REEP3: variants seen among roughly 807,000 people sequenced by gnomAD.
REEP3 encodes the protein receptor accessory protein 3, also known as receptor expression-enhancing protein 3.
REEP3 carries 20 observed loss-of-function variants against 41.3 expected under a neutral mutation model. That is an observed-to-expected ratio of 0.48 (90% confidence interval 0.34 to 0.70). REEP3 has a LOEUF of 0.70. Among genes scored for constraint, REEP3 ranks in the 30% least tolerant of loss-of-function variants. REEP3 has a pLI of 0.01. For synonymous variants in REEP3, 104 were observed against 101.8 expected, an observed-to-expected ratio of 1.02 and a Z score of -0.13; for missense variants, 271 against 308.8, an observed-to-expected ratio of 0.88 and a Z score of 0.92.
At chr10:63,524,097 G>A (rs1955334047) in intron 1 of REEP3, among the ~76,000 whole-genome samples, 1 of 152,142 alleles carries the variant, frequency 6.6e-6, no homozygotes, top group South Asian at 2.1e-4. Context: ...TATTTTGTGA[G>A]CCGTGAACAC....
chr10:63,613,255 C>T (rs900692624), intron 6 of REEP3, among the ~76,000 whole-genome samples: 7 of 152,120 alleles, frequency 4.6e-5, no homozygotes, highest in African/African-American at 1.7e-4. Flanking sequence ...TGTGATCTGC[C>T]CACTTCAGCT....
intron 1 of REEP3, among the ~76,000 whole-genome samples, chr10:63,522,065 C>T (rs944348312): frequency 1.3e-5 from 2 of 152,204 alleles, no homozygotes; most frequent in South Asian, 4.2e-4. Flanking sequence ...CTTTGTATCC[C>T]GCGGCTGATG....
chr10:63,551,969 C>A (rs1338526646), intron 1 of REEP3, among the ~76,000 whole-genome samples: 2 of 152,156 alleles, frequency 1.3e-5, no homozygotes, highest in South Asian at 2.1e-4. Flanking sequence ...TATCTTCACA[C>A]TTTTTCTGCA....
chr10:63,621,056 G>A lies in REEP3; in HGVS notation c.*187G>A, dbSNP rs370795832. On this transcript the variant is annotated 3_prime_UTR_variant, in exon 8 of 8. Transcript: ENST00000373758. ...TTGCTTCCAAATATTGACTACTAAA[G>A]GCAGTTCTGCAAGATGTACTAAATA... 2.0e-4 allele frequency: 96 copies of A among 469,722 alleles called. No individual in the cohort carries two copies. Among genetic ancestry groups the A allele is most frequent in the African/African-American group, 1.6e-3 (79 of 50,384 alleles). 29.1% of individuals were successfully genotyped at this position (469,722 alleles called of 1,614,324 possible). A position where few individuals can be genotyped will look rare whatever the true frequency, so the allele number is the denominator to read the frequency against.
At chr10:63,598,000 A>G (rs779963234) in intron 3 of REEP3, 24 bp from the exon 4 acceptor site, 2 of 1,572,194 alleles carry the variant, frequency 1.3e-6, no homozygotes, top group Non-Finnish European at 1.7e-6. Context: ...CTGGCAGTTT[A>G]TTTCCAAATG....
intron 6 of REEP3, among the ~76,000 whole-genome samples, chr10:63,618,412 A>T (rs1224190622): frequency 6.7e-6 from 1 of 150,122 alleles, no homozygotes; most frequent in African/African-American, 2.4e-5. Flanking sequence ...TGCTTGGCTA[A>T]TTTTTTTTGT....
At chr10:63,583,738 G>T (rs1220057803) in intron 2 of REEP3, among the ~76,000 whole-genome samples, 1 of 152,154 alleles carries the variant, frequency 6.6e-6, no homozygotes, top group East Asian at 1.9e-4. Flanking sequence ...AAAATCCCGA[G>T]AAATTCTGTG....
intron 1 of REEP3, among the ~76,000 whole-genome samples, chr10:63,558,032 C>T (rs528422145): frequency 3.3e-5 from 5 of 152,216 alleles, no homozygotes; most frequent in Non-Finnish European, 5.9e-5. Flanking sequence ...GGGATACTGA[C>T]TAATAAAATA....
rs529314311 is a variant in REEP3 at position 63,599,508 on chromosome 10, A to G, written c.417+225A>G. ...AAATGAGGTCGTTAATAAATAATAC[A>G]TACCTGAAAATGTCATTTAGTCATA... On this transcript the variant is annotated intron_variant, in intron 5 of 7. Transcript: ENST00000373758. 8.5e-5 allele frequency among the ~76,000 whole-genome samples: 13 copies of G among 152,348 alleles called. No homozygotes were observed. In the South Asian group the frequency reaches 2.5e-3, roughly 29 times the overall value.
intron 6 of REEP3, among the ~76,000 whole-genome samples, chr10:63,612,117 AAGT>A (rs765447087): frequency 3.3e-5 from 5 of 152,096 alleles, no homozygotes; most frequent in Non-Finnish European, 7.4e-5. Flanking sequence ...AATAATGTAA[AAGT>A]AGTTCCTAAT....
Position 63,594,770 on chromosome 10 carries a change from A to G in REEP3, c.106-8A>G. 6.3e-7 allele frequency: 1 copy of G among 1,582,346 alleles called. No homozygotes were observed. Among genetic ancestry groups the G allele is most frequent in the Non-Finnish European group, 8.7e-7 (1 of 1,151,286 alleles). On this transcript the variant is annotated splice_region_variant and splice_polypyrimidine_tract_variant and intron_variant, in intron 2 of 7. Transcript: ENST00000373758. Reference sequence around the variant, plus strand: ...CTGTTGTTTCATGAGTATTTTTATTATTTCCAGGTTCGATGGATGATGTAC... The same window carrying G: ...CTGTTGTTTCATGAGTATTTTTATTGTTTCCAGGTTCGATGGATGATGTAC...
In REEP3 at chr10:63,606,973, A is replaced by G. The variant is rs146631188; in HGVS notation, c.418-3214A>G. ...TATAGAATTCTGGGGTAGAGGGAAG[A>G]TATCTCCACTTACCGTTAATATAGC... On this transcript the variant is annotated intron_variant, in intron 5 of 7. Coordinates refer to ENST00000373758, the MANE Select transcript of REEP3 (RefSeq NM_001001330.3). 3.9e-3 allele frequency among the ~76,000 whole-genome samples: 594 copies of G among 152,332 alleles called. 1 individual carries two copies. Among genetic ancestry groups the G allele is most frequent in the African/African-American group, 0.011 (464 of 41,568 alleles).
chr10:63,555,982 A>G (rs531226608), intron 1 of REEP3, among the ~76,000 whole-genome samples: 2 of 152,312 alleles, frequency 1.3e-5, no homozygotes, highest in African/African-American at 4.8e-5. Flanking sequence ...TGTCTTAGGA[A>G]CCTGTTAACT....
chr10:63,547,200 G>A (rs1039808600), intron 1 of REEP3, among the ~76,000 whole-genome samples: 8 of 152,104 alleles, frequency 5.3e-5, no homozygotes, highest in Non-Finnish European at 7.4e-5. Context: ...GATTACAGGC[G>A]TGAGCCACCA....
chr10:63,599,226 C>G lies in REEP3; in HGVS notation c.360C>G (p.Asn120Lys). 5.6e-6 allele frequency: 9 copies of G among 1,593,102 alleles called. No individual in the cohort carries two copies. Among genetic ancestry groups the G allele is most frequent in the Non-Finnish European group, 7.7e-6 (9 of 1,172,388 alleles). Residue 120 changes from asparagine to lysine, a missense_variant, in exon 5 of 8, where the codon AAC becomes AAG. Transcript: ENST00000373758. ...AKERGYETMV[N>K]FGRQGLNLAA... ...AACGAGGCTATGAAACCATGGTAAA[C>G]TTTGGACGGCAAGGTTTAAACCTTG...
At chr10:63,572,176 A>G (rs1955858484) in intron 2 of REEP3, among the ~76,000 whole-genome samples, 1 of 152,142 alleles carries the variant, frequency 6.6e-6, no homozygotes, top group South Asian at 2.1e-4. Flanking sequence ...AAAAAAATAA[A>G]ATCCCTTAAA....
intron 1 of REEP3, among the ~76,000 whole-genome samples, chr10:63,555,768 A>C (rs939739768): frequency 6.6e-5 from 10 of 152,224 alleles, no homozygotes; most frequent in Non-Finnish European, 1.5e-4. Flanking sequence ...AACTAAGCAT[A>C]ATATTGTCAC....
Position 63,623,893 on chromosome 10 carries a change from C to A in REEP3, c.*3024C>A, listed in dbSNP as rs1178326510. On this transcript the variant is annotated 3_prime_UTR_variant, in exon 8 of 8. Coordinates refer to ENST00000373758, the MANE Select transcript of REEP3 (RefSeq NM_001001330.3). ...AAATGATTAAAGTATTTTCAGGGAT[C>A]TTATTCCATATGTCACCACCAAAGA... is the stretch of plus-strand genomic sequence containing the variant. 6.5e-6 allele frequency: 1 copy of A among 153,976 alleles called. No individual in the cohort carries two copies. The highest frequency in any genetic ancestry group is 2.4e-5 in the African/African-American group (1 of 41,414). The allele number at this position is 153,976 out of a possible 1,614,324, so 9.5% of individuals were successfully genotyped here.
chr10:63,532,795 C>T (rs986432407), intron 1 of REEP3, among the ~76,000 whole-genome samples: 3 of 152,014 alleles, frequency 2.0e-5, no homozygotes, highest in Admixed American at 1.3e-4. Flanking sequence ...CTACTCAGTA[C>T]TCAGAAGGCT....
Sources: gnomAD v4.1 joint callset for allele counts (sites outside exome capture counted in the v4.1 genomes callset) on GRCh38, gnomAD v4.1.1 for gene constraint, MANE v1.5 for transcripts, NCBI Gene and HGNC (gene_info 2026-07-23, HGNC 2026-07-21) for gene names.